The following ADAM22 variants were observed in gnomAD, a reference collection of about 807,000 sequenced individuals.
The protein encoded by ADAM22 is ADAM metallopeptidase domain 22.
ADAM22 carries 65 observed loss-of-function variants against 144.6 expected under a neutral mutation model. The ratio of observed to expected loss-of-function variants is 0.45; its 90% CI spans 0.37 to 0.55. The LOEUF is 0.55. Among genes scored for constraint, ADAM22 ranks in the 20% least tolerant of loss-of-function variants. ADAM22 has a pLI of 0.00. For missense variants in ADAM22, 974 were observed against 1,184.9 expected, an observed-to-expected ratio of 0.82 and a Z score of 2.61; for synonymous variants, 391 against 412.6, an observed-to-expected ratio of 0.95 and a Z score of 0.63.
Position 88,131,400 on chromosome 7 carries a change from T to C in ADAM22, c.957T>C (p.Phe319=). 1.2e-6 allele frequency: 2 copies of C among 1,613,890 alleles called. No homozygotes were observed. Among genetic ancestry groups the C allele is most frequent in the Non-Finnish European group, 1.7e-6 (2 of 1,179,840 alleles). Reference sequence around the variant, plus strand: ...AGTTTATGAAATACAGGAGGGATTTTATCAAAGAGAAAAGTGATGCAGTTC... The same window carrying C: ...AGTTTATGAAATACAGGAGGGATTTCATCAAAGAGAAAAGTGATGCAGTTC... ...LREFMKYRRD[F]IKEKSDAVHL... Residue 319 remains phenylalanine (F), a synonymous_variant, in exon 11 of 32, where the codon TTT becomes TTC. Coordinates refer to ENST00000413139, the MANE Select transcript of ADAM22 (RefSeq NM_001324418.2).
intron 5 of ADAM22, among the ~76,000 whole-genome samples, chr7:88,114,326 G>T (rs1827186466): frequency 6.6e-6 from 1 of 152,150 alleles, no homozygotes; most frequent in South Asian, 2.1e-4. Context: ...GTTAGAGGAA[G>T]AAGTGATGGG....
chr7:88,037,601 T>C (rs762412169), intron 3 of ADAM22, among the ~76,000 whole-genome samples: 6 of 152,054 alleles, frequency 3.9e-5, no homozygotes, highest in Non-Finnish European at 7.4e-5. Context: ...TATTTTTTTA[T>C]TTTTATTTTT....
intron 13 of ADAM22, among the ~76,000 whole-genome samples, chr7:88,135,346 G>A (rs992582211): frequency 6.9e-6 from 1 of 144,722 alleles, no homozygotes; most frequent in Non-Finnish European, 1.5e-5. Context: ...CCAGATGATT[G>A]AGTGCCAGTA....
At chr7:88,086,176 AAAAAT>A (rs936099732) in intron 4 of ADAM22, among the ~76,000 whole-genome samples, 1 of 152,176 alleles carries the variant, frequency 6.6e-6, no homozygotes, top group Non-Finnish European at 1.5e-5. Flanking sequence ...ACTCTGTCTC[AAAAAT>A]AAAATAAAAT....
intron 3 of ADAM22, among the ~76,000 whole-genome samples, chr7:88,054,231 A>C (rs1444071285): frequency 6.6e-6 from 1 of 152,168 alleles, no homozygotes; most frequent in Non-Finnish European, 1.5e-5. Context: ...AAATTCCAGA[A>C]ATGAAATTGC....
At chr7:88,023,213 A>G (rs1026613869) in intron 3 of ADAM22, among the ~76,000 whole-genome samples, 1 of 152,180 alleles carries the variant, frequency 6.6e-6, no homozygotes, top group Non-Finnish European at 1.5e-5. Context: ...GTATGCCTGA[A>G]TCTAGGATCT....
intron 31 of ADAM22, 48 bp from the exon 32 acceptor site, chr7:88,196,423 T>G (rs1327230820): frequency 6.2e-7 from 1 of 1,609,446 alleles, no homozygotes. Flanking sequence ...AGAATACATC[T>G]GCTTCCTGCT....
intron 25 of ADAM22, among the ~76,000 whole-genome samples, chr7:88,169,046 C>CA (rs751214242): frequency 1.3e-5 from 2 of 152,130 alleles, no homozygotes; most frequent in Non-Finnish European, 2.9e-5. Flanking sequence ...ACCTGGCCCA[C>CA]AGTAAGCACT....
At chr7:88,119,784 C>T (rs1040781519) in intron 7 of ADAM22, among the ~76,000 whole-genome samples, 39 of 152,300 alleles carry the variant, frequency 2.6e-4, no homozygotes, top group African/African-American at 6.3e-4. Context: ...CCACTGCGCC[C>T]GGCCTATAAC....
intron 3 of ADAM22, among the ~76,000 whole-genome samples, chr7:88,043,775 G>A (rs964243761): frequency 3.3e-5 from 5 of 152,072 alleles, no homozygotes; most frequent in Non-Finnish European, 5.9e-5. Context: ...CAGTGAAAAA[G>A]CTGAGTAAAG....
At chr7:88,077,591 T>C (rs1814977314) in intron 4 of ADAM22, among the ~76,000 whole-genome samples, 1 of 152,178 alleles carries the variant, frequency 6.6e-6, no homozygotes, top group Non-Finnish European at 1.5e-5. Flanking sequence ...TTCCCTTTCC[T>C]AGTCAAAGAA....
chr7:88,108,449 C>T (rs574077800), intron 5 of ADAM22, among the ~76,000 whole-genome samples, 191 bp downstream of exon 5: 37 of 151,692 alleles, frequency 2.4e-4, no homozygotes, highest in Middle Eastern at 3.4e-3. Context: ...TGCAAATGGT[C>T]GGGCGTGGTG....
rs577628341 is a variant in ADAM22, at chr7:88,055,271, T to C, written c.324-20355T>C. Among the ~76,000 whole-genome samples, 148 of 152,138 alleles carry C rather than the reference T, an allele frequency of 9.7e-4. 1 individual carries two copies. The highest frequency in any genetic ancestry group is 3.4e-3 in the African/African-American group (140 of 41,514). The stretch of plus-strand genomic sequence containing the variant: ...TTCTGGCTGGGTGCAGTGGCTCATG[T>C]CTGTAATCCCAGCATTTCAGGAGAC... On this transcript the variant is annotated intron_variant, in intron 3 of 31. Transcript: ENST00000413139.
At chr7:87,934,807 G>A in intron 1 of ADAM22, 1 of 688,902 alleles carries the variant, frequency 1.5e-6, no homozygotes, top group South Asian at 1.9e-5. Flanking sequence ...GGAAAGGGGT[G>A]CCCTGCTTCT....
intron 2 of ADAM22, among the ~76,000 whole-genome samples, chr7:87,949,365 G>A (rs933635782): frequency 2.0e-5 from 3 of 152,194 alleles, no homozygotes; most frequent in Non-Finnish European, 2.9e-5. Context: ...GCATACTGAC[G>A]TTCTACCACA....
rs563412343 is a variant in ADAM22 at position 88,082,159 on chromosome 7, A to T, written c.390+6467A>T. 1.9e-3 allele frequency among the ~76,000 whole-genome samples: 285 copies of T among 152,288 alleles called. 1 individual carries two copies. The highest frequency in any genetic ancestry group is 6.6e-3 in the African/African-American group (275 of 41,558). On this transcript the variant is annotated intron_variant, in intron 4 of 31. Transcript: ENST00000413139. ...CAGACATATAGACCAATGGAACAGA[A>T]CAGAGCCCTCAGAAATAACGCCGCA...
intron 3 of ADAM22, among the ~76,000 whole-genome samples, chr7:88,039,464 A>AAAAAAAAAAAAAAAAATATAT: frequency 3.9e-5 from 3 of 76,378 alleles, no homozygotes; most frequent in African/African-American, 4.7e-5. Flanking sequence ...AAAAAAAAAA[A>AAAAAAAAAAAAAAAAATATAT]ATATATATAT....
intron 8 of ADAM22, among the ~76,000 whole-genome samples, chr7:88,127,018 T>A (rs1273150143): frequency 6.6e-6 from 1 of 151,920 alleles, no homozygotes; most frequent in South Asian, 2.1e-4. Flanking sequence ...ACCCATGTGT[T>A]CCATGAATTA....
intron 7 of ADAM22, among the ~76,000 whole-genome samples, chr7:88,117,969 A>G (rs539403218): frequency 6.6e-6 from 1 of 152,274 alleles, no homozygotes; most frequent in East Asian, 1.9e-4. Flanking sequence ...CTGGGTTTAC[A>G]GGCGTGAGCC....
Sources: allele counts gnomAD v4.1 joint callset (sites outside exome capture counted in the v4.1 genomes callset), GRCh38; gene constraint gnomAD v4.1.1; transcripts MANE v1.5; gene names NCBI Gene and HGNC (gene_info 2026-07-23, HGNC 2026-07-21).